Variants in COL19A1 observed in about 807,000 individuals in gnomAD.
COL19A1 encodes the protein collagen type XIX alpha 1 chain, also known as collagen alpha-1(XIX) chain.
Under a neutral mutation model 190.2 loss-of-function variants are expected in COL19A1, and 159 were observed. The ratio of observed to expected loss-of-function variants is 0.84; its 90% CI spans 0.73 to 0.95. The LOEUF is 0.95. COL19A1 is among the 40% of genes least tolerant of loss of function. The pLI is 0.00. For synonymous variants in COL19A1, 509 were observed against 458.9 expected (o/e 1.11, Z -1.39); for missense variants, 1,418 against 1,431.9 (o/e 0.99, Z 0.16).
At position 70,103,272 on chromosome 6, in the gene COL19A1, G is replaced by A. The variant is rs559280162; in HGVS notation, c.1278+1050G>A. ...TCCCAGTAGCCCACAAATCCTCTCCGTCTTCACTGTCAACGGCCTTAGTTT... is the reference window on the plus strand; with the variant it reads ...TCCCAGTAGCCCACAAATCCTCTCCATCTTCACTGTCAACGGCCTTAGTTT... On this transcript the variant is annotated intron_variant, in intron 16 of 50. Coordinates refer to ENST00000620364, the MANE Select transcript of COL19A1 (RefSeq NM_001858.6). Among the ~76,000 whole-genome samples the A allele has an allele frequency of 1.3e-4, 20 of 152,116 alleles. No individual in the cohort carries two copies. In the South Asian group the frequency reaches 3.9e-3, roughly 30 times the overall value.
At chr6:70,177,212 G>A (rs534680853) in intron 42 of COL19A1, among the ~76,000 whole-genome samples, 2 of 152,092 alleles carry the variant, frequency 1.3e-5, no homozygotes, top group South Asian at 2.1e-4. Context: ...TTGTGGTCAC[G>A]CTTTATGAAT....
chr6:69,979,930 T>C (rs1043821067), intron 11 of COL19A1, among the ~76,000 whole-genome samples: 2 of 151,930 alleles, frequency 1.3e-5, no homozygotes, highest in African/African-American at 2.4e-5. Context: ...TCTAAATGAA[T>C]GTATGTAGAT....
intron 11 of COL19A1, among the ~76,000 whole-genome samples, chr6:69,969,113 T>A (rs1428849273): frequency 6.6e-6 from 1 of 152,126 alleles, no homozygotes; most frequent in Non-Finnish European, 1.5e-5. Flanking sequence ...ATTAAATGAG[T>A]GCCGGTGAAT....
intron 2 of COL19A1, among the ~76,000 whole-genome samples, chr6:69,887,694 G>T (rs1334242775): frequency 6.6e-6 from 1 of 152,180 alleles, no homozygotes; most frequent in African/African-American, 2.4e-5. Flanking sequence ...TGAGTTCCTT[G>T]TCCCATGGCC....
intron 17 of COL19A1, among the ~76,000 whole-genome samples, chr6:70,127,309 G>A (rs928273783): frequency 2.6e-5 from 4 of 152,188 alleles, no homozygotes; most frequent in Admixed American, 2.6e-4. Flanking sequence ...AGGCCAGAAT[G>A]TCTTTTGAAG....
chr6:69,884,101 G>A (rs976870773), intron 2 of COL19A1, among the ~76,000 whole-genome samples: 5 of 152,210 alleles, frequency 3.3e-5, no homozygotes, highest in Admixed American at 1.3e-4. Context: ...TTGGGAGGCC[G>A]AGGCAGGCGG....
At position 70,076,466 on chromosome 6, in the gene COL19A1, C is replaced by T. The variant is rs1170529684; in HGVS notation, c.1224+7990C>T. Among the ~76,000 whole-genome samples the T allele has an allele frequency of 2.6e-5, 4 of 152,316 alleles. No individual in the cohort carries two copies. The East Asian group carries it at 5.8e-4, about 22-fold the overall frequency. ...TAGAAGGGACAAATATAGGTAGGTA[C>T]AGCTGATCCCTTTATGGTCTCCACA... is the stretch of plus-strand genomic sequence containing the variant. On this transcript the variant is annotated intron_variant, in intron 15 of 50. Coordinates refer to ENST00000620364, the MANE Select transcript of COL19A1 (RefSeq NM_001858.6).
rs1232851807 is a variant in COL19A1 at position 70,083,383 on chromosome 6, T to G, written c.1224+14907T>G. ...TAAAAATTTTATTTTTAAGGCATAA[T>G]TTTTTGTTTGTTGAATTCAGTAATA... On this transcript the variant is annotated intron_variant, in intron 15 of 50. Coordinates refer to ENST00000620364, the MANE Select transcript of COL19A1 (RefSeq NM_001858.6). Among the ~76,000 whole-genome samples, 4 of 152,304 alleles carry G rather than the reference T, an allele frequency of 2.6e-5. No individual in the cohort carries two copies. In the East Asian group the frequency reaches 7.7e-4, roughly 29 times the overall value.
At chr6:70,125,287 C>T (rs1354768339) in intron 17 of COL19A1, among the ~76,000 whole-genome samples, 2 of 152,148 alleles carry the variant, frequency 1.3e-5, no homozygotes, top group Non-Finnish European at 2.9e-5. Context: ...TGCACTGGAG[C>T]CCTAGACCTC....
chr6:69,977,457 TATAC>T (rs1269631459), intron 11 of COL19A1, among the ~76,000 whole-genome samples: 12 of 151,382 alleles, frequency 7.9e-5, no homozygotes, highest in African/African-American at 2.9e-4. Context: ...CATTAGGAGA[TATAC>T]CTGATGCTAA....
intron 48 of COL19A1, 143 bp downstream of exon 48, chr6:70,190,524 T>C (rs1048760757): frequency 1.6e-6 from 1 of 613,700 alleles, no homozygotes; most frequent in Non-Finnish European, 2.9e-6. Flanking sequence ...ATGGGACAGC[T>C]CTTTGATGAA....
At chr6:70,140,564 A>G (rs150913535) in intron 19 of COL19A1, among the ~76,000 whole-genome samples, 184 of 152,112 alleles carry the variant, frequency 1.2e-3, no homozygotes, top group Non-Finnish European at 2.2e-3. Flanking sequence ...ATTCAAGTGA[A>G]TGTCTTTCCC....
intron 7 of COL19A1, 94 bp from the exon 8 acceptor site, chr6:69,936,691 C>T: frequency 6.7e-7 from 1 of 1,496,782 alleles, no homozygotes; most frequent in Non-Finnish European, 9.1e-7. Context: ...TTGCAGGCAA[C>T]CTCAGCAATC....
At chr6:69,895,275 T>G (rs912754551) in intron 2 of COL19A1, among the ~76,000 whole-genome samples, 11 of 152,076 alleles carry the variant, frequency 7.2e-5, no homozygotes, top group African/African-American at 2.7e-4. Flanking sequence ...CAGAGGGTGG[T>G]GGGGTGGTTT....
intron 24 of COL19A1, 92 bp from the exon 25 acceptor site, chr6:70,144,826 G>A: frequency 1.3e-6 from 1 of 779,604 alleles, no homozygotes; most frequent in Non-Finnish European, 2.2e-6. Context: ...GACTGGCTAT[G>A]ATGACAACTT....
At chr6:70,042,981 CT>C (rs1213610266) in intron 14 of COL19A1, among the ~76,000 whole-genome samples, 1 of 152,088 alleles carries the variant, frequency 6.6e-6, no homozygotes, top group African/African-American at 2.4e-5. Context: ...CAGTTACTTC[CT>C]CCAATTACAT....
chr6:69,916,166 G>A (rs1209371642), intron 4 of COL19A1, among the ~76,000 whole-genome samples: 1 of 151,988 alleles, frequency 6.6e-6, no homozygotes, highest in Non-Finnish European at 1.5e-5. Context: ...TTGATCTCCT[G>A]ACCTTGTGAT....
At position 69,929,335 on chromosome 6, in the gene COL19A1, C is replaced by G. The variant is rs527517661; in HGVS notation, c.391-90C>G. The G allele has an allele frequency of 2.0e-4, 246 of 1,261,074 alleles. No individual in the cohort carries two copies. In the African/African-American group the frequency reaches 3.3e-3, roughly 17 times the overall value. The allele number at this position is 1,261,074 out of a possible 1,614,324, so 78.1% of individuals were successfully genotyped here. A position where few individuals can be genotyped will look rare whatever the true frequency, so the allele number is the denominator to read the frequency against. ...TATTTTACTAAGTGCCTCAGTTATA[C>G]TAATATGCATCTTGAGCTTTTCTTT... On this transcript the variant is annotated intron_variant, in intron 5 of 50. Coordinates refer to ENST00000620364, the MANE Select transcript of COL19A1 (RefSeq NM_001858.6).
intron 11 of COL19A1, among the ~76,000 whole-genome samples, chr6:69,985,988 A>T (rs1022134337): frequency 6.6e-6 from 1 of 151,998 alleles, no homozygotes; most frequent in East Asian, 1.9e-4. Context: ...TCTTCATGTC[A>T]TATTCTACTT....
Sources: allele counts gnomAD v4.1 joint callset (sites outside exome capture counted in the v4.1 genomes callset), GRCh38; gene constraint gnomAD v4.1.1; transcripts MANE v1.5; gene names NCBI Gene and HGNC (gene_info 2026-07-23, HGNC 2026-07-21).